Variants in CLDN16 observed in about 807,000 individuals in gnomAD.
The protein encoded by CLDN16 is claudin-16.
Under a neutral mutation model 24.6 loss-of-function variants are expected in CLDN16, and 13 were observed. The ratio of observed to expected loss-of-function variants is 0.53; its 90% CI spans 0.34 to 0.84. CLDN16 has a LOEUF of 0.84. Among genes scored for constraint, CLDN16 ranks in the 40% least tolerant of loss-of-function variants. The pLI is 0.01. For missense variants in CLDN16, 298 were observed against 292.7 expected, an observed-to-expected ratio of 1.02 and a Z score of -0.13; for synonymous variants, 116 against 106.7, an observed-to-expected ratio of 1.09 and a Z score of -0.54.
chr3:190,388,680 T>C (rs568592894), intron 1 of CLDN16, among the ~76,000 whole-genome samples: 1 of 152,298 alleles, frequency 6.6e-6, no homozygotes, highest in African/African-American at 2.4e-5. Flanking sequence ...CCTCCTTTTT[T>C]CACAAGGATA....
the CLDN16 span, chr3:190,312,894 C>T: frequency 8.3e-3 from 13,358 of 1,614,040 alleles, 939 homozygotes; most frequent in African/African-American, 0.16. Flanking sequence ...ATATCGCACC[C>T]CCAATGACAG....
chr3:190,333,016 G>A (rs1224722491), intron 1 of CLDN16, among the ~76,000 whole-genome samples: 8 of 152,040 alleles, frequency 5.3e-5, no homozygotes, highest in Non-Finnish European at 1.2e-4. Flanking sequence ...GTAGTCAGGT[G>A]TTTAGGGAAA....
In CLDN16 at chr3:190,336,824, C is replaced by A. The variant is rs181387621; in HGVS notation, n.121+14163C>A. 1.9e-3 allele frequency among the ~76,000 whole-genome samples: 291 copies of A among 152,272 alleles called. 1 individual carries two copies. The highest frequency in any genetic ancestry group is 6.7e-3 in the African/African-American group (280 of 41,552). On this transcript the variant is annotated intron_variant and non_coding_transcript_variant, in intron 1 of 4. Coordinates refer to the CLDN16 transcript ENST00000468220. ...CAAAAGCTGTTCGCCAAGAACTGGACGCTGGCAGTCCAAGTAATAAACTAC... is the reference window on the plus strand; with the variant it reads ...CAAAAGCTGTTCGCCAAGAACTGGAAGCTGGCAGTCCAAGTAATAAACTAC...
chr3:190,338,084 A>G (rs113602348), intron 1 of CLDN16, among the ~76,000 whole-genome samples: 2 of 152,128 alleles, frequency 1.3e-5, no homozygotes, highest in Admixed American at 6.6e-5. Flanking sequence ...TAGGTAGAGT[A>G]CATGAGTTCA....
At chr3:190,394,051 C>A (rs1357249700) in intron 1 of CLDN16, among the ~76,000 whole-genome samples, 1 of 152,146 alleles carries the variant, frequency 6.6e-6, no homozygotes. Context: ...GCATGGCTGG[C>A]CACCCATTTT....
rs58465741 is a variant in CLDN16 at position 190,393,747 on chromosome 3, CTT to C, written c.114+5324_114+5325del. Among the ~76,000 whole-genome samples the C allele has an allele frequency of 2.3e-3, 261 of 115,218 alleles. 4 individuals are homozygous for C. The South Asian group carries it at 0.044, about 19-fold the overall frequency. 75.6% of individuals were successfully genotyped at this position (115,218 alleles called of 152,430 possible). A position where few individuals can be genotyped will look rare whatever the true frequency, so the allele number is the denominator to read the frequency against. On this transcript the variant is annotated intron_variant, in intron 1 of 4. Coordinates refer to ENST00000264734, the MANE Select transcript of CLDN16 (RefSeq NM_006580.4). ...TTCCTCCTCTAAAGCTGTCATTTGCCTTTTTTTTTTTTTTTTTTTTTAAATCA... is the reference window on the plus strand; with the variant it reads ...TTCCTCCTCTAAAGCTGTCATTTGCCTTTTTTTTTTTTTTTTTTTAAATCA...
chr3:190,367,832 T>C (rs563430439), intron 1 of CLDN16, among the ~76,000 whole-genome samples: 1 of 152,082 alleles, frequency 6.6e-6, no homozygotes, highest in East Asian at 1.9e-4. Flanking sequence ...ATATGAAATA[T>C]AAAGCTGTGG....
chr3:190,290,927 A>T, the CLDN16 span, among the ~76,000 whole-genome samples: 2 of 152,216 alleles, frequency 1.3e-5, no homozygotes, highest in African/African-American at 4.8e-5. Context: ...ATGTAAGCCA[A>T]TAACTGTCAG....
At chr3:190,314,716 TAA>T in the CLDN16 span, among the ~76,000 whole-genome samples, 15 of 152,310 alleles carry the variant, frequency 9.8e-5, no homozygotes, top group African/African-American at 3.6e-4. Context: ...AATCTCTTTC[TAA>T]AAAGTATCAA....
upstream of CLDN16, chr3:190,322,015 G>A (rs752054405): frequency 2.5e-6 from 4 of 1,614,206 alleles, no homozygotes; most frequent in South Asian, 2.2e-5. Context: ...CAAAGACTTT[G>A]CACTGGATCT....
intron 1 of CLDN16, among the ~76,000 whole-genome samples, chr3:190,339,180 C>T (rs530075563): frequency 6.6e-6 from 1 of 152,282 alleles, no homozygotes; most frequent in Non-Finnish European, 1.5e-5. Flanking sequence ...TTCATCTTTT[C>T]CTGCTCTTCT....
At chr3:190,399,520 G>GT (rs34097438) in intron 1 of CLDN16, among the ~76,000 whole-genome samples, 121,370 of 152,006 alleles carry the variant, frequency 0.8, 48,582 homozygotes, top group East Asian at 0.89. Context: ...AAAAAAAATT[G>GT]TTTTTAAACA....
At chr3:190,331,255 C>T (rs193260818) in intron 1 of CLDN16, among the ~76,000 whole-genome samples, 78 of 152,268 alleles carry the variant, frequency 5.1e-4, no homozygotes, top group Non-Finnish European at 7.1e-4. Flanking sequence ...CTTCCTCTAC[C>T]GTTGACATTA....
intron 1 of CLDN16, among the ~76,000 whole-genome samples, chr3:190,360,651 T>G (rs1717868804): frequency 6.6e-6 from 1 of 151,504 alleles, no homozygotes; most frequent in African/African-American, 2.4e-5. Flanking sequence ...ATTCTTTTAT[T>G]TTTTTCCCAT....
intron 3 of CLDN16, among the ~76,000 whole-genome samples, chr3:190,379,465 T>C (rs1304035097): frequency 6.6e-6 from 1 of 152,118 alleles, no homozygotes; most frequent in Non-Finnish European, 1.5e-5. Context: ...TAGCACAATG[T>C]ATGGCACATA....
intron 3 of CLDN16, among the ~76,000 whole-genome samples, chr3:190,382,918 A>G (rs1288764855): frequency 6.6e-6 from 1 of 152,270 alleles, no homozygotes; most frequent in Non-Finnish European, 1.5e-5. Flanking sequence ...AGTGGTACCC[A>G]AGAGTAAACA....
chr3:190,359,151 G>T (rs1717837195), intron 1 of CLDN16, among the ~76,000 whole-genome samples: 1 of 151,924 alleles, frequency 6.6e-6, no homozygotes, highest in African/African-American at 2.4e-5. Context: ...CTACAATTTG[G>T]TCATTCAAGT....
chr3:190,293,099 A>G, the CLDN16 span, among the ~76,000 whole-genome samples: 1 of 152,250 alleles, frequency 6.6e-6, no homozygotes, highest in African/African-American at 2.4e-5. Context: ...TATTGGACTC[A>G]CAGTTCCACA....
chr3:190,334,198 G>T (rs533856485), intron 1 of CLDN16, among the ~76,000 whole-genome samples: 115 of 152,300 alleles, frequency 7.6e-4, no homozygotes, highest in Non-Finnish European at 1.4e-3. Context: ...AGTGATTGTT[G>T]TTAGGATAAA....
Sources: gnomAD v4.1 joint callset for allele counts (sites outside exome capture counted in the v4.1 genomes callset) on GRCh38, gnomAD v4.1.1 for gene constraint, MANE v1.5 for transcripts, NCBI Gene and HGNC (gene_info 2026-07-23, HGNC 2026-07-21) for gene names.